The following SOX6 variants were observed in gnomAD, a reference collection of about 807,000 sequenced individuals.
SOX6 encodes transcription factor SOX-6.
A neutral mutation model predicts 97.8 loss-of-function variants in SOX6; 11 were observed. That is an observed-to-expected ratio of 0.11 (90% confidence interval 0.07 to 0.19). SOX6 has a LOEUF of 0.19. Ranked by LOEUF, SOX6 falls within the 10% of genes least tolerant of loss-of-function variation. The pLI is 1.00. For missense variants in SOX6, 810 were observed against 1,039.5 expected, an observed-to-expected ratio of 0.78 and a Z score of 3.04; for synonymous variants, 360 against 371.4, an observed-to-expected ratio of 0.97 and a Z score of 0.35.
At chr11:16,372,054 A>G in intron 1 of SOX6, among the ~76,000 whole-genome samples, 1 of 152,092 alleles carries the variant, frequency 6.6e-6, no homozygotes, top group East Asian at 1.9e-4. Context: ...TACTGCCTTA[A>G]TTTGTTTACA....
At position 16,719,233 on chromosome 11, in the gene SOX6, T is replaced by C. The variant is rs556619150; in HGVS notation, n.354-4328A>G. Among the ~76,000 whole-genome samples, 3 of 152,328 alleles carry C rather than the reference T, an allele frequency of 2.0e-5. No homozygotes were observed. In the East Asian group the frequency reaches 5.8e-4, roughly 29 times the overall value. On this transcript the variant is annotated intron_variant and non_coding_transcript_variant, in intron 2 of 5. Transcript: ENST00000524520. The stretch of plus-strand genomic sequence containing the variant: ...ATTTGATTTACAGAAATTTGTATTC[T>C]CTACTGGATAAAGTCCATTTGCATT...
chr11:15,976,101 C>G (rs749365855), intron 15 of SOX6, among the ~76,000 whole-genome samples: 7 of 152,114 alleles, frequency 4.6e-5, no homozygotes, highest in African/African-American at 1.2e-4. Flanking sequence ...TACTCCCCAC[C>G]TTGAGGAAAT....
rs189111421 is a variant in SOX6 at position 16,696,826 on chromosome 11, C to T, written n.429+18004G>A. Among the ~76,000 whole-genome samples, 179 of 152,204 alleles carry T rather than the reference C, an allele frequency of 1.2e-3. 1 individual carries two copies. Among genetic ancestry groups the T allele is most frequent in the Non-Finnish European group, 2.1e-3 (143 of 68,022 alleles). On this transcript the variant is annotated intron_variant and non_coding_transcript_variant, in intron 3 of 5. Coordinates refer to the SOX6 transcript ENST00000524520. Reference sequence around the variant, plus strand: ...TAAAATAAGACAACAATGAAGTTTGCCACATTGATTGACTCTCCTTTCATG... The same window carrying T: ...TAAAATAAGACAACAATGAAGTTTGTCACATTGATTGACTCTCCTTTCATG...
chr11:16,642,375 G>A (rs1285814554), intron 3 of SOX6, among the ~76,000 whole-genome samples: 1 of 152,094 alleles, frequency 6.6e-6, no homozygotes, highest in Non-Finnish European at 1.5e-5. Context: ...CAACTTTGGT[G>A]AATCTGACAA....
At chr11:16,185,720 T>C (rs1190361409) in intron 5 of SOX6, among the ~76,000 whole-genome samples, 3 of 152,200 alleles carry the variant, frequency 2.0e-5, no homozygotes, top group Non-Finnish European at 4.4e-5. Context: ...TATTCACAAG[T>C]GTCAATAGTT....
At chr11:16,200,263 T>C (rs892777688) in intron 4 of SOX6, among the ~76,000 whole-genome samples, 5 of 152,194 alleles carry the variant, frequency 3.3e-5, no homozygotes, top group African/African-American at 1.2e-4. Flanking sequence ...TACTCAGTCT[T>C]CTCACTCTGT....
intron 3 of SOX6, among the ~76,000 whole-genome samples, chr11:16,285,261 A>C (rs933467612): frequency 2.0e-5 from 3 of 152,190 alleles, no homozygotes; most frequent in Non-Finnish European, 4.4e-5. Flanking sequence ...AGGCAGGTGC[A>C]GTGGCTCATG....
intron 2 of SOX6, among the ~76,000 whole-genome samples, chr11:16,336,009 G>A (rs964913211): frequency 1.3e-5 from 2 of 152,278 alleles, no homozygotes; most frequent in Non-Finnish European, 2.9e-5. Context: ...TCCCCTGGAG[G>A]AATTTAAGTA....
chr11:16,231,415 C>T (rs1852847248), intron 4 of SOX6, among the ~76,000 whole-genome samples: 1 of 151,608 alleles, frequency 6.6e-6, no homozygotes, highest in African/African-American at 2.4e-5. Flanking sequence ...AGTCAAAAAA[C>T]TCATTAAATC....
chr11:16,104,564 G>C (rs1314459481), intron 7 of SOX6, among the ~76,000 whole-genome samples: 1 of 151,426 alleles, frequency 6.6e-6, no homozygotes. Context: ...ATATCTAAGA[G>C]TTATTATGAA....
At chr11:16,587,053 A>T (rs12576360) in intron 4 of SOX6, among the ~76,000 whole-genome samples, 1 of 152,034 alleles carries the variant, frequency 6.6e-6, no homozygotes, top group African/African-American at 2.4e-5. Context: ...GCCTTAATAA[A>T]CACACCTGCT....
At chr11:16,674,849 G>A (rs1847873530) in intron 3 of SOX6, among the ~76,000 whole-genome samples, 1 of 152,190 alleles carries the variant, frequency 6.6e-6, no homozygotes, top group African/African-American at 2.4e-5. Context: ...TACTCAGGAG[G>A]CTGAGGCAGG....
chr11:16,028,733 G>A (rs560756339), intron 12 of SOX6, among the ~76,000 whole-genome samples: 11 of 152,182 alleles, frequency 7.2e-5, no homozygotes, highest in Middle Eastern at 3.4e-3. Flanking sequence ...TCCACATATC[G>A]GCCGTTTGTC....
chr11:16,277,202 G>A (rs1197389673), intron 3 of SOX6, among the ~76,000 whole-genome samples: 3 of 152,110 alleles, frequency 2.0e-5, no homozygotes, highest in Admixed American at 6.6e-5. Flanking sequence ...TGGAGACGTG[G>A]TCTTTGGGAG....
intron 4 of SOX6, among the ~76,000 whole-genome samples, chr11:16,219,431 G>A (rs970547646): frequency 6.6e-6 from 1 of 152,068 alleles, no homozygotes; most frequent in African/African-American, 2.4e-5. Context: ...CAGAGTACAC[G>A]AATGAGTGCA....
At chr11:16,441,703 T>C (rs200246818) in intron 1 of SOX6, among the ~76,000 whole-genome samples, 1 of 152,014 alleles carries the variant, frequency 6.6e-6, no homozygotes, top group Non-Finnish European at 1.5e-5. Context: ...ACAAAAACAA[T>C]AAAAAAGCTG....
chr11:16,236,872 C>T (rs1487138618), intron 3 of SOX6, among the ~76,000 whole-genome samples: 1 of 151,934 alleles, frequency 6.6e-6, no homozygotes, highest in East Asian at 1.9e-4. Flanking sequence ...ATAAAAGCTA[C>T]TCATTAATAA....
intron 2 of SOX6, among the ~76,000 whole-genome samples, chr11:16,331,338 T>A (rs577781284): frequency 6.6e-6 from 1 of 152,290 alleles, no homozygotes; most frequent in African/African-American, 2.4e-5. Flanking sequence ...TTAATAGAGA[T>A]GCAACTCTGT....
At chr11:16,240,853 A>G (rs1220570952) in intron 3 of SOX6, among the ~76,000 whole-genome samples, 2 of 152,092 alleles carry the variant, frequency 1.3e-5, no homozygotes, top group Non-Finnish European at 2.9e-5. Flanking sequence ...AATGTTGGTG[A>G]CAGAGCCCTA....
Sources: allele counts gnomAD v4.1 joint callset (sites outside exome capture counted in the v4.1 genomes callset), GRCh38; gene constraint gnomAD v4.1.1; transcripts MANE v1.5; gene names NCBI Gene and HGNC (gene_info 2026-07-23, HGNC 2026-07-21).